MBNL2: variants seen among roughly 807,000 people sequenced by gnomAD.
MBNL2 encodes muscleblind like splicing regulator 2, also known as muscleblind-like protein 2.
A neutral mutation model predicts 41.9 loss-of-function variants in MBNL2; 17 were observed. The ratio of observed to expected loss-of-function variants is 0.41; its 90% CI spans 0.28 to 0.61. The LOEUF is 0.61. Ranked by LOEUF, MBNL2 falls within the 20% of genes least tolerant of loss-of-function variation. The pLI is 0.35. For synonymous variants in MBNL2, 195 were observed against 182.9 expected, an observed-to-expected ratio of 1.07 and a Z score of -0.53; for missense variants, 336 against 505.6, an observed-to-expected ratio of 0.66 and a Z score of 3.22.
chr13:97,203,806 A>G, the MBNL2 span, among the ~76,000 whole-genome samples: 4 of 152,118 alleles, frequency 2.6e-5, no homozygotes, highest in Non-Finnish European at 4.4e-5. Context: ...AAAGATTCCA[A>G]TGCCTAGAAC....
the MBNL2 span, among the ~76,000 whole-genome samples, chr13:97,181,802 A>G: frequency 1.9e-4 from 29 of 152,068 alleles, no homozygotes; most frequent in Non-Finnish European, 3.7e-4. Context: ...CAGAATACAA[A>G]GCCACCATGA....
chr13:97,247,653 C>G (rs930060601), intron 1 of MBNL2, among the ~76,000 whole-genome samples: 4 of 152,170 alleles, frequency 2.6e-5, no homozygotes, highest in African/African-American at 9.7e-5. Context: ...GTTTAGAACT[C>G]TAATATTTTC....
At position 97,357,512 on chromosome 13, in the gene MBNL2, C is replaced by T. The variant is rs896330931; in HGVS notation, c.889C>T (p.Pro297Ser). The change falls in exon 7 of 9, where the codon CCA (proline) becomes TCA (serine). Residue 297 changes from proline (P) to serine (S), a missense_variant. By Grantham distance (74) the Pro-to-Ser change is moderately conservative. Coordinates refer to ENST00000679496, the MANE Select transcript of MBNL2 (RefSeq NM_001382683.1). Reference protein sequence around the residue: ...AFPPGALHPLPKRQALEKSNG... With the variant: ...AFPPGALHPLSKRQALEKSNG... ...TCCCCCTGGTGCTCTTCATCCTTTA[C>T]CAAAGAGACAAGCACTTGAAAAAAG... 6.2e-7 allele frequency: 1 copy of T among 1,614,072 alleles called. No individual in the cohort carries two copies. Among genetic ancestry groups the T allele is most frequent in the African/African-American group, 1.3e-5 (1 of 75,012 alleles).
the MBNL2 span, among the ~76,000 whole-genome samples, chr13:97,194,941 A>G: frequency 6.6e-6 from 1 of 152,218 alleles, no homozygotes; most frequent in Admixed American, 6.5e-5. Context: ...CTTGTTTAGC[A>G]TATCATCAAA....
chr13:97,354,162 AT>A (rs56784388), intron 5 of MBNL2, among the ~76,000 whole-genome samples: 86,456 of 151,738 alleles, frequency 0.57, 27,698 homozygotes, highest in African/African-American at 0.89. Context: ...AGTCAGATGG[AT>A]TTCCAAGTGG....
intron 2 of MBNL2, among the ~76,000 whole-genome samples, chr13:97,287,511 G>T (rs76433763): frequency 1.9e-3 from 287 of 152,002 alleles, no homozygotes; most frequent in Non-Finnish European, 3.5e-3. Flanking sequence ...TCTTTGTGTT[G>T]GGACATTCAA....
chr13:97,321,414 G>C (rs1279755730), intron 2 of MBNL2, among the ~76,000 whole-genome samples: 1 of 152,186 alleles, frequency 6.6e-6, no homozygotes, highest in Non-Finnish European at 1.5e-5. Flanking sequence ...GCTTGGGACA[G>C]TGTCTGTTTT....
chr13:97,279,058 C>T (rs2052797344), intron 2 of MBNL2, among the ~76,000 whole-genome samples: 1 of 152,202 alleles, frequency 6.6e-6, no homozygotes, highest in African/African-American at 2.4e-5. Flanking sequence ...GTGAGGATTG[C>T]AAGCTGTTTC....
At chr13:97,214,934 A>G in the MBNL2 span, among the ~76,000 whole-genome samples, 2 of 152,196 alleles carry the variant, frequency 1.3e-5, no homozygotes, top group Non-Finnish European at 2.9e-5. Flanking sequence ...TTATATTTAC[A>G]ATTCACCATT....
At chr13:97,230,151 AG>A (rs2042189203) in intron 1 of MBNL2, among the ~76,000 whole-genome samples, 1 of 152,230 alleles carries the variant, frequency 6.6e-6, no homozygotes, top group Non-Finnish European at 1.5e-5. Flanking sequence ...TAGAAAAATT[AG>A]CCGGATGTGG....
chr13:97,305,849 A>G (rs2058077306), intron 2 of MBNL2, among the ~76,000 whole-genome samples: 1 of 152,208 alleles, frequency 6.6e-6, no homozygotes, highest in African/African-American at 2.4e-5. Context: ...TCTTCATGAA[A>G]AGTTCAAGAT....
the MBNL2 span, among the ~76,000 whole-genome samples, chr13:97,204,073 T>C: frequency 6.6e-6 from 1 of 152,224 alleles, no homozygotes; most frequent in African/African-American, 2.4e-5. Context: ...GCCAGTTCCC[T>C]CTCCTGATGA....
chr13:97,381,836 C>T (rs1223851726), intron 8 of MBNL2, among the ~76,000 whole-genome samples: 1 of 151,516 alleles, frequency 6.6e-6, no homozygotes, highest in Non-Finnish European at 1.5e-5. Context: ...TATTATGTTA[C>T]ATATTATATT....
intron 3 of MBNL2, among the ~76,000 whole-genome samples, chr13:97,337,183 T>C (rs990974433): frequency 1.3e-5 from 2 of 152,176 alleles, no homozygotes; most frequent in Non-Finnish European, 2.9e-5. Context: ...CCTCCTGCCA[T>C]GTGCGGACAC....
At chr13:97,287,348 A>G (rs1429022589) in intron 2 of MBNL2, among the ~76,000 whole-genome samples, 2 of 152,218 alleles carry the variant, frequency 1.3e-5, no homozygotes, top group Non-Finnish European at 2.9e-5. Context: ...AAAGACACTG[A>G]AATACGTTTT....
Position 97,346,424 on chromosome 13 carries a change from G to A in MBNL2, c.541-380G>A, listed in dbSNP as rs2061873995. Among the ~76,000 whole-genome samples, 1 of 151,966 alleles carries A rather than the reference G, an allele frequency of 6.6e-6. No homozygotes were observed. Among genetic ancestry groups the A allele is most frequent in the Non-Finnish European group, 1.5e-5 (1 of 67,988 alleles). On this transcript the variant is annotated intron_variant, in intron 4 of 8. Coordinates refer to ENST00000679496, the MANE Select transcript of MBNL2 (RefSeq NM_001382683.1). The surrounding 1 kb of genome is among the most constrained non-coding windows in gnomAD (Gnocchi z 4.2). ...GTAGATGATAGATGAAGGAATGGAT[G>A]CATGGATAAATAGATAGATGATAGA...
At chr13:97,284,539 C>T (rs1472934668) in intron 2 of MBNL2, among the ~76,000 whole-genome samples, 2 of 152,210 alleles carry the variant, frequency 1.3e-5, no homozygotes, top group Non-Finnish European at 2.9e-5. Context: ...TCTTAAATTA[C>T]ATCTGCAACT....
At position 97,364,991 on chromosome 13, in the gene MBNL2, A is replaced by T. The variant is rs1392085288; in HGVS notation, c.1013-145A>T. The T allele has an allele frequency of 1.2e-5, 9 of 744,922 alleles. No homozygotes were observed. The East Asian group carries it at 2.2e-4, about 18-fold the overall frequency. 46.1% of individuals were successfully genotyped at this position (744,922 alleles called of 1,614,324 possible). A position where few individuals can be genotyped will look rare whatever the true frequency, so the allele number is the denominator to read the frequency against. ...CAGATATATTTGTGTCTGTACTGAC[A>T]ATGTGAATGGCCCTAAAAGACTGTG... On this transcript the variant is annotated intron_variant, in intron 7 of 8. Transcript: ENST00000679496.
At position 97,334,165 on chromosome 13, in the gene MBNL2, C is replaced by CACACACACAT; in HGVS notation, c.175-102_175-101insTACACACACA. On this transcript the variant is annotated intron_variant, in intron 2 of 8. Transcript: ENST00000679496. The surrounding 1 kb of genome is among the most constrained non-coding windows in gnomAD (Gnocchi z 5.3). Reference sequence around the variant, plus strand: ...GCGCACACCCACACACACACACACACACACACACACAGGATCCTTGCTTTT... The same window carrying CACACACACAT: ...GCGCACACCCACACACACACACACACACACACACATACACACACACAGGATCCTTGCTTTT... 1.3e-6 allele frequency: 1 copy of CACACACACAT among 793,292 alleles called. No individual in the cohort carries two copies. Among genetic ancestry groups the CACACACACAT allele is most frequent in the Non-Finnish European group, 2.0e-6 (1 of 489,958 alleles). 49.1% of individuals were successfully genotyped at this position (793,292 alleles called of 1,614,324 possible). A position where few individuals can be genotyped will look rare whatever the true frequency, so the allele number is the denominator to read the frequency against.
Sources: gnomAD v4.1 joint callset for allele counts (sites outside exome capture counted in the v4.1 genomes callset) on GRCh38, gnomAD v4.1.1 for gene constraint, Gnocchi (gnomAD v3.1) non-coding constraint, MANE v1.5 for transcripts, NCBI Gene and HGNC (gene_info 2026-07-23, HGNC 2026-07-21) for gene names.